The following PEX5L variants were observed in gnomAD, a reference collection of about 807,000 sequenced individuals.
PEX5L encodes the protein PEX5-related protein.
Under a neutral mutation model 84.0 loss-of-function variants are expected in PEX5L, and 30 were observed. That is an observed-to-expected ratio of 0.36 (90% CI 0.27 to 0.48). The LOEUF (loss-of-function observed/expected upper bound fraction) is 0.48, where lower values mean the gene tolerates loss of function less well. PEX5L is among the 20% of genes least tolerant of loss of function. The probability of loss-of-function intolerance (pLI) is 0.99; values close to 1 mark genes in which losing one functional copy is unlikely to be tolerated. For missense variants in PEX5L, 533 were observed against 754.6 expected, an observed-to-expected ratio of 0.71 and a Z score of 3.44; for synonymous variants, 270 against 283.1, an observed-to-expected ratio of 0.95 and a Z score of 0.46.
chr3:179,981,174 G>A (rs116984059), intron 1 of PEX5L, among the ~76,000 whole-genome samples: 1 of 152,324 alleles, frequency 6.6e-6, no homozygotes, highest in East Asian at 1.9e-4. Flanking sequence ...GGCTGGAACA[G>A]AGTTGCCCAG....
intron 2 of PEX5L, among the ~76,000 whole-genome samples, chr3:179,969,642 G>T (rs1784252655): frequency 6.6e-6 from 1 of 152,028 alleles, no homozygotes; most frequent in South Asian, 2.1e-4. Flanking sequence ...AAAAAGGAAG[G>T]ACTACTCTTT....
intron 8 of PEX5L, among the ~76,000 whole-genome samples, chr3:179,848,001 A>G (rs1413168504): frequency 6.6e-6 from 1 of 151,876 alleles, no homozygotes; most frequent in African/African-American, 2.4e-5. Flanking sequence ...AACCAGAATA[A>G]GCAGATAGCT....
At chr3:179,829,741 C>T (rs1577345530) in intron 8 of PEX5L, among the ~76,000 whole-genome samples, 2 of 149,276 alleles carry the variant, frequency 1.3e-5, no homozygotes, top group South Asian at 2.2e-4. Flanking sequence ...TAATATTTTC[C>T]TTGGTGATAA....
chr3:179,899,090 CAAA>C (rs1403153339), intron 2 of PEX5L, among the ~76,000 whole-genome samples: 3 of 151,806 alleles, frequency 2.0e-5, no homozygotes, highest in African/African-American at 7.3e-5. Flanking sequence ...TTATTTGTCT[CAAA>C]GAAGTAGAAT....
At chr3:179,868,763 A>C (rs1162607281) in intron 7 of PEX5L, among the ~76,000 whole-genome samples, 1 of 152,088 alleles carries the variant, frequency 6.6e-6, no homozygotes, top group African/African-American at 2.4e-5. Context: ...TTGCTAGCCA[A>C]GCCTCTTCCT....
chr3:180,021,422 C>G (rs1369117557), intron 1 of PEX5L, among the ~76,000 whole-genome samples: 6 of 152,166 alleles, frequency 3.9e-5, no homozygotes, highest in Non-Finnish European at 8.8e-5. Flanking sequence ...AGGCCTCGTT[C>G]TCAGGGAGCC....
chr3:179,811,697 T>G (rs527242281), intron 11 of PEX5L, 104 bp downstream of exon 11: 154 of 883,892 alleles, frequency 1.7e-4, no homozygotes, highest in Non-Finnish European at 2.8e-4. Context: ...CCTTTACAAA[T>G]TCTTTACACT....
intron 9 of PEX5L, 124 bp from the exon 10 acceptor site, chr3:179,816,128 C>T: frequency 1.2e-6 from 1 of 860,894 alleles, no homozygotes; most frequent in Non-Finnish European, 1.8e-6. Flanking sequence ...GAAACAGGAA[C>T]ACTTTTACAC....
chr3:179,870,104 T>C (rs1454614006), intron 7 of PEX5L, among the ~76,000 whole-genome samples: 2 of 152,160 alleles, frequency 1.3e-5, no homozygotes, highest in African/African-American at 4.8e-5. Context: ...TGGACAGAAA[T>C]ATGGTGATAA....
intron 1 of PEX5L, among the ~76,000 whole-genome samples, chr3:179,997,251 A>T (rs1262540549): frequency 6.6e-6 from 1 of 152,156 alleles, no homozygotes; most frequent in African/African-American, 2.4e-5. Context: ...CTCTGAGCTG[A>T]TGTTGATTCC....
intron 2 of PEX5L, among the ~76,000 whole-genome samples, chr3:179,915,896 T>G (rs923310568): frequency 6.6e-6 from 1 of 152,214 alleles, no homozygotes. Flanking sequence ...TAAAAATAAC[T>G]ACCAAAATAG....
At chr3:179,816,735 A>G (rs1195714940) in intron 9 of PEX5L, among the ~76,000 whole-genome samples, 3 of 152,162 alleles carry the variant, frequency 2.0e-5, no homozygotes, top group African/African-American at 7.2e-5. Context: ...TTAAAGCATA[A>G]TAAACAATTT....
intron 8 of PEX5L, among the ~76,000 whole-genome samples, chr3:179,832,018 T>C (rs189816939): frequency 9.2e-5 from 14 of 152,258 alleles, no homozygotes; most frequent in Non-Finnish European, 7.4e-5. Context: ...CTGGTTGAAA[T>C]GAGGAGAATG....
chr3:179,913,741 T>C (rs1457647983), intron 2 of PEX5L, among the ~76,000 whole-genome samples: 3 of 152,188 alleles, frequency 2.0e-5, no homozygotes, highest in African/African-American at 7.2e-5. Flanking sequence ...TATGTCACAG[T>C]AAGCAAAGAA....
chr3:180,019,022 A>T (rs556583437), intron 1 of PEX5L, among the ~76,000 whole-genome samples: 29 of 152,310 alleles, frequency 1.9e-4, no homozygotes, highest in Admixed American at 5.2e-4. Flanking sequence ...AATATGCAGA[A>T]ATCCATTTCT....
chr3:180,028,550 T>C (rs1485423943), intron 1 of PEX5L, among the ~76,000 whole-genome samples: 1 of 152,194 alleles, frequency 6.6e-6, no homozygotes, highest in Non-Finnish European at 1.5e-5. Context: ...TCATGTTGAT[T>C]TTTGAATGTA....
At chr3:179,823,871 C>CA (rs1729387353) in intron 8 of PEX5L, among the ~76,000 whole-genome samples, 1 of 152,124 alleles carries the variant, frequency 6.6e-6, no homozygotes, top group Admixed American at 6.6e-5. Flanking sequence ...CAGAATAAGG[C>CA]AGAAGGAAGA....
intron 1 of PEX5L, chr3:179,974,124 C>T (rs1227697057): frequency 3.0e-6 from 3 of 985,396 alleles, no homozygotes; most frequent in Non-Finnish European, 3.6e-6. Flanking sequence ...TCCTCCCAGC[C>T]GGGAATCCCT....
intron 2 of PEX5L, among the ~76,000 whole-genome samples, chr3:179,950,949 G>C (rs897306412): frequency 6.6e-6 from 1 of 152,274 alleles, no homozygotes; most frequent in East Asian, 1.9e-4. Context: ...ATGGCAAAGG[G>C]TACCAGATTG....
Sources: gnomAD v4.1 joint callset for allele counts (sites outside exome capture counted in the v4.1 genomes callset) on GRCh38, gnomAD v4.1.1 for gene constraint, MANE v1.5 for transcripts, NCBI Gene and HGNC (gene_info 2026-07-23, HGNC 2026-07-21) for gene names.